MKLN1: variants seen among roughly 807,000 people sequenced by gnomAD.
MKLN1 encodes the protein muskelin.
A neutral mutation model predicts 99.0 loss-of-function variants in MKLN1; 18 were observed. The ratio of observed to expected loss-of-function variants is 0.18; its 90% CI spans 0.13 to 0.27. MKLN1 has a LOEUF of 0.27. MKLN1 is among the 10% of genes least tolerant of loss of function. The pLI is 1.00. For synonymous variants in MKLN1, 288 were observed against 293.2 expected (o/e 0.98, Z 0.18); for missense variants, 621 against 875.9 (o/e 0.71, Z 3.67).
Position 131,214,390 on chromosome 7 carries a change from A to G in MKLN1, c.-179+11416A>G, listed in dbSNP as rs78690380. ...GGGTGGGTAAGTTTTCCTCATACTG[A>G]AAAAAGTACATGAGAAAAAGACTTG... On this transcript the variant is annotated intron_variant, in intron 3 of 7. Transcript: ENST00000416992. 9.0e-3 allele frequency among the ~76,000 whole-genome samples: 1,363 copies of G among 152,272 alleles called. 13 individuals are homozygous for G. The highest frequency in any genetic ancestry group is 0.014 in the Non-Finnish European group (977 of 68,018).
At chr7:131,296,629 C>T (rs541472978) in intron 3 of MKLN1, among the ~76,000 whole-genome samples, 11 of 152,196 alleles carry the variant, frequency 7.2e-5, no homozygotes, top group Non-Finnish European at 1.3e-4. Context: ...TGGCTCACAC[C>T]TGTAATCCTA....
intron 1 of MKLN1, among the ~76,000 whole-genome samples, chr7:131,126,005 CA>C (rs370119710): frequency 5.4e-4 from 65 of 120,214 alleles, no homozygotes; most frequent in African/African-American, 1.2e-3. Context: ...GACTCCGTCT[CA>C]AAAAAAAAAA....
At chr7:131,321,586 T>C (rs1396695879) in intron 3 of MKLN1, among the ~76,000 whole-genome samples, 1 of 151,990 alleles carries the variant, frequency 6.6e-6, no homozygotes, top group Non-Finnish European at 1.5e-5. Context: ...TAAAGTAAAA[T>C]TTAAAAAAAA....
rs1554567982 is a variant in MKLN1 at position 131,400,518 on chromosome 7, A to ATAT, written c.703+1085_703+1086insTAT. ...TTTAAAATGCTACCAATAAAAAAAA[A>ATAT]ATATATATATATATATATATATGCC... On this transcript the variant is annotated intron_variant, in intron 6 of 17. Transcript: ENST00000352689. 3.0e-3 allele frequency among the ~76,000 whole-genome samples: 416 copies of ATAT among 137,424 alleles called. 2 individuals are homozygous for ATAT. Among genetic ancestry groups the ATAT allele is most frequent in the African/African-American group, 8.2e-3 (293 of 35,654 alleles). The allele number at this position is 137,424 out of a possible 152,430, so 90.2% of individuals were successfully genotyped here. A position where few individuals can be genotyped will look rare whatever the true frequency, so the allele number is the denominator to read the frequency against.
At chr7:131,164,328 T>C (rs1796094365) in intron 2 of MKLN1, among the ~76,000 whole-genome samples, 1 of 152,190 alleles carries the variant, frequency 6.6e-6, no homozygotes, top group Admixed American at 6.5e-5. Flanking sequence ...TTAGCCAGGC[T>C]GGTCTCAAAA....
intron 6 of MKLN1, among the ~76,000 whole-genome samples, chr7:131,400,711 A>C (rs1056056095): frequency 6.6e-6 from 1 of 151,908 alleles, no homozygotes; most frequent in East Asian, 1.9e-4. Flanking sequence ...ACAGTTAATA[A>C]GCTAAAAACA....
At chr7:131,347,696 G>T (rs1480483837) in intron 1 of MKLN1, among the ~76,000 whole-genome samples, 2 of 152,008 alleles carry the variant, frequency 1.3e-5, no homozygotes, top group East Asian at 3.9e-4. Context: ...CTTTTGATGT[G>T]ATTTTAAAAT....
At chr7:131,328,048 G>T in intron 1 of MKLN1, 51 bp downstream of exon 1, 13 of 1,586,484 alleles carry the variant, frequency 8.2e-6, no homozygotes, top group Non-Finnish European at 1.0e-5. Flanking sequence ...GCGTCAGCAC[G>T]GTTGGGCCAG....
At chr7:131,301,180 A>G (rs1340828777) in intron 3 of MKLN1, among the ~76,000 whole-genome samples, 1 of 152,210 alleles carries the variant, frequency 6.6e-6, no homozygotes, top group East Asian at 1.9e-4. Flanking sequence ...AAAGTTCCCC[A>G]TGTGAAGCCA....
intron 3 of MKLN1, among the ~76,000 whole-genome samples, chr7:131,260,501 T>C (rs928889680): frequency 6.6e-6 from 1 of 152,218 alleles, no homozygotes; most frequent in African/African-American, 2.4e-5. Flanking sequence ...CATTCCATGC[T>C]CATGGATAGA....
upstream of MKLN1, chr7:131,327,780 G>A: frequency 1.4e-6 from 2 of 1,439,484 alleles, no homozygotes; most frequent in South Asian, 1.4e-5. Context: ...GGGTAACGAT[G>A]CGGGGCGGGG....
intron 11 of MKLN1, 40 bp downstream of exon 11, chr7:131,443,742 A>T (rs751697137): frequency 1.5e-6 from 2 of 1,366,160 alleles, no homozygotes; most frequent in Non-Finnish European, 2.1e-6. Flanking sequence ...TTATTTTGTC[A>T]TGTATATCTA....
chr7:131,422,525 G>T (rs1264131833), intron 8 of MKLN1, among the ~76,000 whole-genome samples: 1 of 152,188 alleles, frequency 6.6e-6, no homozygotes, highest in Non-Finnish European at 1.5e-5. Flanking sequence ...CTGCACTCCA[G>T]TCCAGTCGAC....
At chr7:131,356,824 G>A (rs1167558339) in intron 1 of MKLN1, among the ~76,000 whole-genome samples, 4 of 152,174 alleles carry the variant, frequency 2.6e-5, no homozygotes, top group South Asian at 2.1e-4. Flanking sequence ...CCCCGATTCC[G>A]TATGGGTCTG....
At chr7:131,342,144 G>C (rs546747737) in intron 1 of MKLN1, among the ~76,000 whole-genome samples, 2 of 150,992 alleles carry the variant, frequency 1.3e-5, no homozygotes, top group East Asian at 3.9e-4. Flanking sequence ...GAAACTGCCA[G>C]ATTTTTTGTT....
rs888463084 is a variant in MKLN1, at chr7:131,373,914, TCA to T, written c.99-1509_99-1508del. 5.3e-5 allele frequency among the ~76,000 whole-genome samples: 8 copies of T among 152,202 alleles called. No individual in the cohort carries two copies. The South Asian group carries it at 1.2e-3, about 24-fold the overall frequency. ...TACTCTCCTCTGGTCTGTGAGTTTCTCAGTCTTTCCTTGTTTTTTATTATATT... is the reference window on the plus strand; with the variant it reads ...TACTCTCCTCTGGTCTGTGAGTTTCTGTCTTTCCTTGTTTTTTATTATATT... On this transcript the variant is annotated intron_variant, in intron 1 of 17. Transcript: ENST00000352689.
chr7:131,413,621 C>T (rs1794937258), intron 7 of MKLN1, among the ~76,000 whole-genome samples: 1 of 151,864 alleles, frequency 6.6e-6, no homozygotes, highest in Non-Finnish European at 1.5e-5. Context: ...TTCATTGCAA[C>T]CTCCGCCTCC....
chr7:131,354,109 A>G (rs969918257), intron 1 of MKLN1, among the ~76,000 whole-genome samples: 4 of 151,990 alleles, frequency 2.6e-5, no homozygotes, highest in African/African-American at 9.7e-5. Context: ...TGGCTATTCT[A>G]GGTCTTGTGT....
chr7:131,463,428 C>CA, intron 13 of MKLN1, 64 bp downstream of exon 13: 2 of 1,480,676 alleles, frequency 1.4e-6, no homozygotes, highest in Non-Finnish European at 1.8e-6. Flanking sequence ...TTGGTTTATT[C>CA]AAAAAAGAGA....
Sources: allele counts gnomAD v4.1 joint callset (sites outside exome capture counted in the v4.1 genomes callset), GRCh38; gene constraint gnomAD v4.1.1; transcripts MANE v1.5; gene names NCBI Gene and HGNC (gene_info 2026-07-23, HGNC 2026-07-21).